The following MEOX2 variants were observed in gnomAD, a reference collection of about 807,000 sequenced individuals.
MEOX2 encodes homeobox protein MOX-2.
A neutral mutation model predicts 27.0 loss-of-function variants in MEOX2; 11 were observed. The observed-to-expected ratio is 0.41, with a 90% CI of 0.26 to 0.68. The LOEUF (loss-of-function observed/expected upper bound fraction) is 0.68. Ranked by LOEUF, MEOX2 falls within the 30% of genes least tolerant of loss-of-function variation. The pLI is 0.33. For missense variants in MEOX2, 436 were observed against 385.4 expected (o/e 1.13, Z -1.10); for synonymous variants, 189 against 155.4 (o/e 1.22, Z -1.61).
intron 1 of MEOX2, among the ~76,000 whole-genome samples, chr7:15,639,246 T>G (rs1781526525): frequency 6.6e-6 from 1 of 152,168 alleles, no homozygotes; most frequent in Admixed American, 6.5e-5. Context: ...GAGCATGTTT[T>G]CATATGTTTA....
intron 1 of MEOX2, chr7:15,668,179 C>T (rs1782038873): frequency 6.6e-6 from 1 of 152,030 alleles, no homozygotes; most frequent in African/African-American, 2.4e-5. Context: ...TTTCTTCCGC[C>T]TCTCCTACCT....
chr7:15,624,834 C>G (rs1781273934), intron 2 of MEOX2, among the ~76,000 whole-genome samples: 1 of 152,248 alleles, frequency 6.6e-6, no homozygotes. Context: ...TTAAAAGAAT[C>G]TTTAAAACAA....
chr7:15,628,263 C>T (rs1383236734), intron 1 of MEOX2, among the ~76,000 whole-genome samples: 1 of 151,798 alleles, frequency 6.6e-6, no homozygotes, highest in Non-Finnish European at 1.5e-5. Flanking sequence ...CTAAAGAGGA[C>T]CCTGCATAAT....
chr7:15,680,092 A>G (rs1172063683), intron 1 of MEOX2: 1 of 151,948 alleles, frequency 6.6e-6, no homozygotes, highest in Non-Finnish European at 1.5e-5. Context: ...TCAAATATAG[A>G]GGAAAATTAA....
chr7:15,632,000 C>T (rs1781412711), intron 1 of MEOX2, among the ~76,000 whole-genome samples: 1 of 150,124 alleles, frequency 6.7e-6, no homozygotes, highest in Non-Finnish European at 1.5e-5. Context: ...AATTTAGCAA[C>T]TTAGCATGGA....
At chr7:15,616,885 C>T (rs1781132108) in intron 2 of MEOX2, among the ~76,000 whole-genome samples, 1 of 151,850 alleles carries the variant, frequency 6.6e-6, no homozygotes, top group African/African-American at 2.4e-5. Context: ...ATAGTCCCTG[C>T]CCTTAAGGTA....
At chr7:15,627,989 TTAAA>T (rs1394112021) in intron 1 of MEOX2, among the ~76,000 whole-genome samples, 1 of 152,094 alleles carries the variant, frequency 6.6e-6, no homozygotes, top group Non-Finnish European at 1.5e-5. Flanking sequence ...TGTGATATCT[TTAAA>T]AAGTGTGAAT....
At chr7:15,647,690 C>T (rs1781673437) in intron 1 of MEOX2, among the ~76,000 whole-genome samples, 1 of 151,894 alleles carries the variant, frequency 6.6e-6, no homozygotes, top group African/African-American at 2.4e-5. Flanking sequence ...TTTGTAACAG[C>T]CAACAACAAA....
At chr7:15,673,097 C>A (rs1023652398) in intron 1 of MEOX2, among the ~76,000 whole-genome samples, 2 of 152,148 alleles carry the variant, frequency 1.3e-5, no homozygotes, top group South Asian at 2.1e-4. Context: ...ATAAGGGAAG[C>A]ATTTCCTATG....
intron 1 of MEOX2, among the ~76,000 whole-genome samples, chr7:15,646,861 A>C (rs1197724738): frequency 6.6e-6 from 1 of 151,934 alleles, no homozygotes; most frequent in Non-Finnish European, 1.5e-5. Flanking sequence ...TCTATTTATT[A>C]ATATTCTGTT....
intron 1 of MEOX2, chr7:15,681,165 T>C (rs1363727077): frequency 6.6e-6 from 1 of 151,810 alleles, no homozygotes; most frequent in African/African-American, 2.4e-5. Flanking sequence ...CTCAAAGATA[T>C]TTGCAGCCCT....
At chr7:15,645,252 A>G (rs1290812952) in intron 1 of MEOX2, among the ~76,000 whole-genome samples, 3 of 152,206 alleles carry the variant, frequency 2.0e-5, no homozygotes, top group African/African-American at 7.2e-5. Context: ...GGGCTATGCA[A>G]ATGTCATTGT....
chr7:15,683,162 C>T (rs890764230), intron 1 of MEOX2, among the ~76,000 whole-genome samples: 1 of 151,902 alleles, frequency 6.6e-6, no homozygotes, highest in Non-Finnish European at 1.5e-5. Context: ...AATATTTAAG[C>T]TGTTTTTCAA....
chr7:15,638,625 TCTC>T (rs1436632432), intron 1 of MEOX2, among the ~76,000 whole-genome samples: 1 of 152,030 alleles, frequency 6.6e-6, no homozygotes, highest in Non-Finnish European at 1.5e-5. Flanking sequence ...TTTTTTACCC[TCTC>T]CTCCTTCTCT....
intron 1 of MEOX2, among the ~76,000 whole-genome samples, chr7:15,635,078 T>C (rs1781460004): frequency 6.6e-6 from 1 of 151,998 alleles, no homozygotes; most frequent in South Asian, 2.1e-4. Context: ...ACTGAATTAA[T>C]AAATATTAAC....
intron 1 of MEOX2, among the ~76,000 whole-genome samples, chr7:15,650,955 A>G (rs1048986538): frequency 6.6e-6 from 1 of 151,976 alleles, no homozygotes; most frequent in Admixed American, 6.6e-5. Context: ...ATGAGGGCAG[A>G]TTGCATTTAC....
Position 15,686,622 on chromosome 7 carries a change from C to T in MEOX2, c.-220G>A. 1 of 568,806 alleles carries T rather than the reference C, an allele frequency of 1.8e-6. No individual in the cohort carries two copies. The highest frequency in any genetic ancestry group is 2.4e-5 in the South Asian group (1 of 40,830). The allele number at this position is 568,806 out of a possible 1,614,324, so 35.2% of individuals were successfully genotyped here. On this transcript the variant is annotated 5_prime_UTR_variant, in exon 1 of 3. Coordinates refer to ENST00000262041, the MANE Select transcript of MEOX2 (RefSeq NM_005924.5). ...GACCTGGAAGAGCTTCCCTGAGCTA[C>T]TCAGATGTCAAGAGTGGGAGAGGTT... is the stretch of plus-strand genomic sequence containing the variant.
At chr7:15,658,735 A>G (rs960852008) in intron 1 of MEOX2, among the ~76,000 whole-genome samples, 3 of 152,214 alleles carry the variant, frequency 2.0e-5, no homozygotes, top group Non-Finnish European at 4.4e-5. Flanking sequence ...TGCAAGAGAA[A>G]TGGTCTCTCT....
intron 1 of MEOX2, among the ~76,000 whole-genome samples, chr7:15,678,721 T>C (rs969931908): frequency 1.3e-5 from 2 of 152,170 alleles, no homozygotes; most frequent in Non-Finnish European, 2.9e-5. Flanking sequence ...TTCATTTGGG[T>C]GTCATTTCTG....
Sources: gnomAD v4.1 joint callset for allele counts (sites outside exome capture counted in the v4.1 genomes callset) on GRCh38, gnomAD v4.1.1 for gene constraint, MANE v1.5 for transcripts, NCBI Gene and HGNC (gene_info 2026-07-23, HGNC 2026-07-21) for gene names.